Variants in FGGY observed in about 807,000 individuals in gnomAD.
FGGY encodes the protein FGGY carbohydrate kinase domain containing, also known as FGGY carbohydrate kinase domain-containing protein.
Under a neutral mutation model 71.3 loss-of-function variants are expected in FGGY, and 72 were observed. The ratio of observed to expected loss-of-function variants is 1.01; its 90% CI spans 0.84 to 1.23. FGGY has a LOEUF of 1.23. FGGY is among the 50% of genes most tolerant of loss of function. The probability of loss-of-function intolerance (pLI) is 0.00; values close to 1 mark genes in which losing one functional copy is unlikely to be tolerated. For synonymous variants in FGGY, 251 were observed against 250.3 expected (o/e 1.00, Z -0.02); for missense variants, 668 against 682.3 (o/e 0.98, Z 0.23).
intron 8 of FGGY, among the ~76,000 whole-genome samples, chr1:59,562,821 G>A (rs2095813879): frequency 6.6e-6 from 1 of 152,176 alleles, no homozygotes; most frequent in Non-Finnish European, 1.5e-5. Flanking sequence ...TATCTTGATT[G>A]TGGTAATAAC....
At chr1:59,372,945 C>G (rs1185223559) in intron 4 of FGGY, among the ~76,000 whole-genome samples, 2 of 152,104 alleles carry the variant, frequency 1.3e-5, no homozygotes, top group African/African-American at 4.8e-5. Flanking sequence ...AAACCCACAG[C>G]TAATATCACA....
At chr1:59,748,005 C>G (rs2098214655) in intron 14 of FGGY, among the ~76,000 whole-genome samples, 1 of 152,018 alleles carries the variant, frequency 6.6e-6, no homozygotes, top group African/African-American at 2.4e-5. Flanking sequence ...CCTTTATTTC[C>G]TCATTGTAAA....
At chr1:59,380,570 G>A (rs1010023478) in intron 5 of FGGY, among the ~76,000 whole-genome samples, 2 of 151,606 alleles carry the variant, frequency 1.3e-5, no homozygotes, top group Non-Finnish European at 2.9e-5. Context: ...TTTTTCATGT[G>A]TCTTCTGGCT....
intron 8 of FGGY, among the ~76,000 whole-genome samples, chr1:59,597,393 G>A (rs2096534301): frequency 6.6e-6 from 1 of 152,306 alleles, no homozygotes. Flanking sequence ...GATCTTACAA[G>A]TAGAAATTAA....
chr1:59,486,645 C>T (rs2093666678), intron 6 of FGGY, among the ~76,000 whole-genome samples: 1 of 152,128 alleles, frequency 6.6e-6, no homozygotes, highest in African/African-American at 2.4e-5. Context: ...GGGATGCTTT[C>T]CCAGCCTTTC....
intron 6 of FGGY, among the ~76,000 whole-genome samples, chr1:59,487,453 T>C (rs1369904382): frequency 6.6e-6 from 1 of 152,156 alleles, no homozygotes; most frequent in Non-Finnish European, 1.5e-5. Context: ...TCCATCTCAT[T>C]ACCTGCTGTG....
chr1:59,508,871 A>T (rs1028139556), intron 6 of FGGY, among the ~76,000 whole-genome samples: 17 of 152,298 alleles, frequency 1.1e-4, no homozygotes, highest in Non-Finnish European at 1.6e-4. Flanking sequence ...TTGGGGGGAT[A>T]AGGTGTTTAT....
Position 59,429,003 on chromosome 1 carries a change from G to C in FGGY, c.555-27958G>C, listed in dbSNP as rs1015880340. On this transcript the variant is annotated intron_variant, in intron 5 of 15. Coordinates refer to ENST00000303721, the MANE Select transcript of FGGY (RefSeq NM_018291.5). ...CTTTCTGTGTACCTTTCTCTGGCTG[G>C]GGCTTTCTCTGGTCTAGGTGTGCTC... Among the ~76,000 whole-genome samples, 18 of 152,152 alleles carry C rather than the reference G, an allele frequency of 1.2e-4. 1 individual carries two copies. Among genetic ancestry groups the C allele is most frequent in the Non-Finnish European group, 2.9e-5 (2 of 68,040 alleles).
chr1:59,371,722 T>A (rs1237106064), intron 4 of FGGY, among the ~76,000 whole-genome samples: 8 of 152,144 alleles, frequency 5.3e-5, no homozygotes, highest in Non-Finnish European at 1.0e-4. Context: ...CAGACCACAG[T>A]GCAATCAAAC....
At chr1:59,471,204 A>AG (rs34635690) in intron 6 of FGGY, among the ~76,000 whole-genome samples, 62,105 of 151,936 alleles carry the variant, frequency 0.41, 12,866 homozygotes, top group Middle Eastern at 0.5. Context: ...AGGAGTTCTC[A>AG]GAGATCTGGT....
intron 6 of FGGY, among the ~76,000 whole-genome samples, chr1:59,480,652 C>T (rs2093435905): frequency 6.6e-6 from 1 of 152,062 alleles, no homozygotes; most frequent in Admixed American, 6.6e-5. Context: ...GTCCCACCTT[C>T]AATGAGGAAG....
intron 6 of FGGY, among the ~76,000 whole-genome samples, chr1:59,466,569 A>G (rs1379675188): frequency 6.6e-6 from 1 of 152,224 alleles, no homozygotes; most frequent in African/African-American, 2.4e-5. Flanking sequence ...TGAACAGGCA[A>G]CCTACAGAAT....
At chr1:59,548,965 A>G (rs2095567150) in intron 7 of FGGY, among the ~76,000 whole-genome samples, 1 of 152,208 alleles carries the variant, frequency 6.6e-6, no homozygotes, top group South Asian at 2.1e-4. Context: ...AAGAAATCAC[A>G]TGATGAATGA....
intron 14 of FGGY, among the ~76,000 whole-genome samples, chr1:59,753,007 G>T (rs191995596): frequency 2.0e-5 from 3 of 152,222 alleles, no homozygotes; most frequent in African/African-American, 7.2e-5. Context: ...TTTTTAAAAA[G>T]CTTTCATTGT....
At chr1:59,758,521 G>A (rs891080636) in intron 15 of FGGY, among the ~76,000 whole-genome samples, 2 of 152,234 alleles carry the variant, frequency 1.3e-5, no homozygotes, top group African/African-American at 4.8e-5. Flanking sequence ...AACGGGATAA[G>A]TTCCACAATT....
chr1:59,647,793 A>G (rs2097110617), intron 11 of FGGY, among the ~76,000 whole-genome samples: 1 of 122,314 alleles, frequency 8.2e-6, no homozygotes, highest in East Asian at 2.3e-4. Context: ...ACATGTGCAC[A>G]TTGTGCAGGT....
At chr1:59,359,978 A>AT (rs942129081) in intron 4 of FGGY, among the ~76,000 whole-genome samples, 16 of 151,978 alleles carry the variant, frequency 1.1e-4, no homozygotes, top group African/African-American at 3.9e-4. Context: ...ATGGACGTAC[A>AT]TTTTTTCTCA....
chr1:59,701,809 C>G (rs114706541), intron 14 of FGGY, among the ~76,000 whole-genome samples: 2,777 of 152,176 alleles, frequency 0.018, 57 homozygotes, highest in African/African-American at 0.044. Flanking sequence ...GATTCATGAA[C>G]TCAGAGGTGA....
At chr1:59,461,572 C>T (rs1308543159) in intron 6 of FGGY, among the ~76,000 whole-genome samples, 1 of 152,116 alleles carries the variant, frequency 6.6e-6, no homozygotes, top group Non-Finnish European at 1.5e-5. Flanking sequence ...GATAACACCA[C>T]AAAGATACTC....
Sources: allele counts gnomAD v4.1 joint callset (sites outside exome capture counted in the v4.1 genomes callset), GRCh38; gene constraint gnomAD v4.1.1; transcripts MANE v1.5; gene names NCBI Gene and HGNC (gene_info 2026-07-23, HGNC 2026-07-21).